Variants in AKAP13 observed in about 807,000 individuals in gnomAD.
The protein encoded by AKAP13 is A-kinase anchor protein 13.
Under a neutral mutation model 264.5 loss-of-function variants are expected in AKAP13, and 80 were observed. That is an observed-to-expected ratio of 0.30 (90% CI 0.25 to 0.36). The LOEUF (loss-of-function observed/expected upper bound fraction) is 0.36. Ranked by LOEUF, AKAP13 falls within the 10% of genes least tolerant of loss-of-function variation. The pLI is 1.00. For synonymous variants in AKAP13, 1,380 were observed against 1,250.2 expected (o/e 1.10, Z -2.19); for missense variants, 3,712 against 3,435.2 (o/e 1.08, Z -2.01).
rs1179301155 is a variant in AKAP13 at position 85,746,634 on chromosome 15, T to C, written c.*1957T>C. ...CCTGCTGATTTTTCTATTGAAAATA[T>C]GTCCCCTTGCAAAGACCCTAAACAA... On this transcript the variant is annotated 3_prime_UTR_variant, in exon 37 of 37. Coordinates refer to ENST00000394518, the MANE Select transcript of AKAP13 (RefSeq NM_007200.5). 6.6e-6 allele frequency: 1 copy of C among 152,212 alleles called. No homozygotes were observed. The highest frequency in any genetic ancestry group is 6.5e-5 in the Admixed American group (1 of 15,290). The allele number at this position is 152,212 out of a possible 1,614,324, so 9.4% of individuals were successfully genotyped here. A position where few individuals can be genotyped will look rare whatever the true frequency, so the allele number is the denominator to read the frequency against.
chr15:85,588,592 A>T (rs548715059), intron 8 of AKAP13, among the ~76,000 whole-genome samples: 1 of 152,214 alleles, frequency 6.6e-6, no homozygotes, highest in African/African-American at 2.4e-5. Context: ...CTTGTCTACT[A>T]TAAAGAAGAA....
intron 8 of AKAP13, among the ~76,000 whole-genome samples, chr15:85,616,081 T>C (rs890885917): frequency 6.6e-6 from 1 of 152,224 alleles, no homozygotes; most frequent in Non-Finnish European, 1.5e-5. Context: ...ATGTTCACTT[T>C]GGGGTTTCAG....
At chr15:85,427,478 TCTATCGAC>T (rs1278886149) in intron 1 of AKAP13, among the ~76,000 whole-genome samples, 1 of 152,132 alleles carries the variant, frequency 6.6e-6, no homozygotes, top group East Asian at 1.9e-4. Context: ...AGTATGCAAG[TCTATCGAC>T]TCCTCTAGGC....
intron 3 of AKAP13, among the ~76,000 whole-genome samples, chr15:85,521,896 C>G (rs1437539567): frequency 1.3e-5 from 2 of 152,078 alleles, no homozygotes; most frequent in Non-Finnish European, 1.5e-5. Context: ...GTTGAAAATT[C>G]AAGGATTTAA....
chr15:85,562,572 A>T (rs2078422019), intron 5 of AKAP13, among the ~76,000 whole-genome samples: 1 of 119,694 alleles, frequency 8.4e-6, no homozygotes, highest in Non-Finnish European at 1.7e-5. Context: ...CTCAAAAAAA[A>T]AAATATATAT....
At chr15:85,626,823 A>G (rs1456112390) in intron 8 of AKAP13, among the ~76,000 whole-genome samples, 1 of 151,840 alleles carries the variant, frequency 6.6e-6, no homozygotes, top group African/African-American at 2.4e-5. Context: ...AGAAACTGTC[A>G]TACTGTTTTC....
chr15:85,694,758 A>G (rs894793445), intron 17 of AKAP13, among the ~76,000 whole-genome samples: 2 of 152,208 alleles, frequency 1.3e-5, no homozygotes, highest in Non-Finnish European at 2.9e-5. Context: ...CAGCCAGTCC[A>G]GGGCCAGTCC....
intron 5 of AKAP13, among the ~76,000 whole-genome samples, chr15:85,560,310 C>A (rs562420948): frequency 6.6e-6 from 1 of 151,990 alleles, no homozygotes; most frequent in Non-Finnish European, 1.5e-5. Context: ...CCAGGCCGGG[C>A]TAATTTTTTT....
intron 14 of AKAP13, among the ~76,000 whole-genome samples, chr15:85,680,172 G>T (rs2151597606): frequency 6.6e-6 from 1 of 152,246 alleles, no homozygotes; most frequent in Non-Finnish European, 1.5e-5. Flanking sequence ...TATTACTAGG[G>T]TGGTAACTTA....
chr15:85,709,931 A>G (rs1300683579), intron 18 of AKAP13, among the ~76,000 whole-genome samples: 2 of 151,894 alleles, frequency 1.3e-5, no homozygotes, highest in African/African-American at 2.4e-5. Flanking sequence ...GAGGTGATCC[A>G]CCCACCTCAG....
chr15:85,719,070 T>C lies in AKAP13; in HGVS notation c.6002-6T>C. On this transcript the variant is annotated splice_polypyrimidine_tract_variant and splice_region_variant and intron_variant, in intron 22 of 36. Coordinates refer to ENST00000394518, the MANE Select transcript of AKAP13 (RefSeq NM_007200.5). ...TCCTGACACTTGATCTTTTTCCTCCTTTTAGAGTTGATGCAGACAGAGTTT... is the reference window on the plus strand; with the variant it reads ...TCCTGACACTTGATCTTTTTCCTCCCTTTAGAGTTGATGCAGACAGAGTTT... 1 of 1,613,620 alleles carries C rather than the reference T, an allele frequency of 6.2e-7. No individual in the cohort carries two copies. The highest frequency in any genetic ancestry group is 8.5e-7 in the Non-Finnish European group (1 of 1,179,860).
intron 1 of AKAP13, among the ~76,000 whole-genome samples, chr15:85,404,132 T>C (rs950745542): frequency 1.3e-5 from 2 of 152,188 alleles, no homozygotes; most frequent in Non-Finnish European, 2.9e-5. Flanking sequence ...CAGAAATCAT[T>C]AGTGTAAAAG....
intron 2 of AKAP13, among the ~76,000 whole-genome samples, chr15:85,510,521 A>G (rs1166064522): frequency 2.0e-5 from 3 of 152,236 alleles, no homozygotes; most frequent in Non-Finnish European, 4.4e-5. Context: ...ACCTGTCAAC[A>G]TGATTTCATA....
At chr15:85,396,468 T>C (rs2071117239) in intron 1 of AKAP13, among the ~76,000 whole-genome samples, 1 of 152,216 alleles carries the variant, frequency 6.6e-6, no homozygotes, top group African/African-American at 2.4e-5. Context: ...TCTAGCAAGA[T>C]TTTGCTATTC....
intron 17 of AKAP13, chr15:85,702,519 A>G (rs2085990965): frequency 6.6e-6 from 1 of 152,140 alleles, no homozygotes; most frequent in Non-Finnish European, 1.5e-5. Flanking sequence ...TGTAGCATCC[A>G]TGCAGTTAGT....
At chr15:85,473,151 A>G (rs769895082) in intron 1 of AKAP13, among the ~76,000 whole-genome samples, 8 of 152,222 alleles carry the variant, frequency 5.3e-5, no homozygotes, top group Non-Finnish European at 1.0e-4. Context: ...GTTACAGTCA[A>G]AAAGTAAATT....
At chr15:85,458,917 A>G (rs891095681) in intron 1 of AKAP13, among the ~76,000 whole-genome samples, 2 of 152,004 alleles carry the variant, frequency 1.3e-5, no homozygotes, top group African/African-American at 4.8e-5. Context: ...TTCTTTCTAA[A>G]TATTTGTTTT....
chr15:85,555,511 C>A (rs183270592), intron 5 of AKAP13: 635 of 1,235,170 alleles, frequency 5.1e-4, no homozygotes, highest in Non-Finnish European at 6.3e-4. Flanking sequence ...AGCTTCCAGA[C>A]CAATGCTTTG....
rs369260556 is a variant in AKAP13 at position 85,710,521 on chromosome 15, G to T, written c.5533-58G>T. 4 of 1,554,088 alleles carry T rather than the reference G, an allele frequency of 2.6e-6. No individual in the cohort carries two copies. The South Asian group carries it at 4.6e-5, about 18-fold the overall frequency. ...TGAACTGCTTGCTCCCTTCCTACTCGGCTTCTCAGGGCTTGTCAGAGGTGA... is the reference window on the plus strand; with the variant it reads ...TGAACTGCTTGCTCCCTTCCTACTCTGCTTCTCAGGGCTTGTCAGAGGTGA... On this transcript the variant is annotated intron_variant, in intron 18 of 36. Coordinates refer to ENST00000394518, the MANE Select transcript of AKAP13 (RefSeq NM_007200.5).
Sources: gnomAD v4.1 joint callset for allele counts (sites outside exome capture counted in the v4.1 genomes callset) on GRCh38, gnomAD v4.1.1 for gene constraint, MANE v1.5 for transcripts, NCBI Gene and HGNC (gene_info 2026-07-23, HGNC 2026-07-21) for gene names.